CAST: variants seen among roughly 807,000 people sequenced by gnomAD.
CAST encodes the protein MIR583 host.
A neutral mutation model predicts 119.6 loss-of-function variants in CAST; 76 were observed. The observed-to-expected ratio is 0.64, with a 90% CI of 0.53 to 0.77. The LOEUF is 0.77. CAST is among the 30% of genes least tolerant of loss of function. CAST has a pLI of 0.00. For synonymous variants in CAST, 319 were observed against 331.6 expected (o/e 0.96, Z 0.41); for missense variants, 953 against 946.5 (o/e 1.01, Z -0.09).
chr5:96,114,842 C>A, the CAST span, among the ~76,000 whole-genome samples: 2 of 152,188 alleles, frequency 1.3e-5, no homozygotes, highest in African/African-American at 4.8e-5. Context: ...CCAAAACTAG[C>A]CACATGCTTT....
chr5:96,269,165 T>A, the CAST span, among the ~76,000 whole-genome samples: 4 of 152,002 alleles, frequency 2.6e-5, no homozygotes, highest in African/African-American at 9.7e-5. Flanking sequence ...TTTAGCAGTA[T>A]GAAAATGGAC....
intron 1 of CAST, among the ~76,000 whole-genome samples, chr5:96,667,531 G>C (rs1749496709): frequency 6.6e-6 from 1 of 152,168 alleles, no homozygotes; most frequent in African/African-American, 2.4e-5. Flanking sequence ...ACAGGCAATA[G>C]ATGCCACCTC....
chr5:96,115,200 T>C, the CAST span, among the ~76,000 whole-genome samples: 1 of 152,228 alleles, frequency 6.6e-6, no homozygotes, highest in Non-Finnish European at 1.5e-5. Flanking sequence ...CACTATGAAG[T>C]TGCTCACACA....
the CAST span, among the ~76,000 whole-genome samples, chr5:96,358,334 G>A: frequency 6.6e-6 from 1 of 151,998 alleles, no homozygotes. Context: ...ATCTCCTTTA[G>A]TTCTGCTCTG....
chr5:96,668,311 A>G (rs1422667530), intron 1 of CAST, among the ~76,000 whole-genome samples: 1 of 152,262 alleles, frequency 6.6e-6, no homozygotes, highest in Non-Finnish European at 1.5e-5. Flanking sequence ...AGATGTGAGA[A>G]TAATATATAA....
chr5:96,578,740 G>A (rs8180398), intron 1 of CAST, among the ~76,000 whole-genome samples: 1 of 151,884 alleles, frequency 6.6e-6, no homozygotes, highest in Admixed American at 6.6e-5. Context: ...GTTGAAGTTG[G>A]GGATGTTTTA....
chr5:96,081,953 G>A, the CAST span, among the ~76,000 whole-genome samples: 16 of 152,178 alleles, frequency 1.1e-4, no homozygotes, highest in Non-Finnish European at 1.8e-4. Flanking sequence ...TCGCTCTGTC[G>A]CCCAGGCTGG....
the CAST span, among the ~76,000 whole-genome samples, chr5:96,180,676 G>A: frequency 4.6e-5 from 7 of 152,170 alleles, no homozygotes; most frequent in Non-Finnish European, 2.9e-5. Context: ...AATTAGGGTG[G>A]TAAATACTTT....
chr5:96,561,736 GAGA>G (rs1019442970), intron 1 of CAST, among the ~76,000 whole-genome samples: 5 of 147,838 alleles, frequency 3.4e-5, no homozygotes, highest in East Asian at 2.0e-4. Flanking sequence ...ATAAAAACAT[GAGA>G]AGGATATATA....
intron 1 of CAST, among the ~76,000 whole-genome samples, chr5:96,645,971 G>A (rs542281928): frequency 6.6e-6 from 1 of 151,714 alleles, no homozygotes; most frequent in Admixed American, 6.6e-5. Context: ...CATGGCAAAG[G>A]TCACAAATAT....
At chr5:96,588,016 T>C (rs1418928277) in intron 1 of CAST, among the ~76,000 whole-genome samples, 1 of 152,088 alleles carries the variant, frequency 6.6e-6, no homozygotes, top group Non-Finnish European at 1.5e-5. Context: ...TCTAGCTGTA[T>C]AGAGTTTTGT....
At chr5:95,973,280 C>G in the CAST span, 2 of 172,492 alleles carry the variant, frequency 1.2e-5, no homozygotes, top group Non-Finnish European at 2.5e-5. Flanking sequence ...AGAGTGCTCT[C>G]AGTGTTTATG....
the CAST span, among the ~76,000 whole-genome samples, chr5:96,378,859 G>A: frequency 6.6e-6 from 1 of 151,832 alleles, no homozygotes; most frequent in Non-Finnish European, 1.5e-5. Flanking sequence ...TTTTATGTTG[G>A]TGTATATGTA....
the CAST span, among the ~76,000 whole-genome samples, chr5:96,231,886 G>A: frequency 2.6e-5 from 4 of 152,062 alleles, no homozygotes; most frequent in African/African-American, 9.6e-5. Flanking sequence ...GGAGATTACC[G>A]GTAGGTTTTG....
the CAST span, among the ~76,000 whole-genome samples, chr5:96,334,575 G>C: frequency 3.3e-5 from 5 of 152,188 alleles, no homozygotes; most frequent in African/African-American, 1.2e-4. Context: ...TTCCAGAAAA[G>C]TCACCCCCAC....
chr5:96,175,235 G>T, the CAST span, among the ~76,000 whole-genome samples: 1 of 152,194 alleles, frequency 6.6e-6, no homozygotes, highest in Non-Finnish European at 1.5e-5. Flanking sequence ...GAACTCATCA[G>T]TTGGCCGGTT....
the CAST span, among the ~76,000 whole-genome samples, chr5:96,115,625 T>A: frequency 6.6e-6 from 1 of 152,206 alleles, no homozygotes; most frequent in South Asian, 2.1e-4. Flanking sequence ...AATAAAGGCT[T>A]GTTGAATTGC....
rs1285219265 is a variant in CAST, at chr5:96,773,550, A to G, written c.*934A>G. ...TTTGCACTGTATAGCGTCTGGCTTTATGGAACTTAAGTTTACCAAATATAA... is the reference window on the plus strand; with the variant it reads ...TTTGCACTGTATAGCGTCTGGCTTTGTGGAACTTAAGTTTACCAAATATAA... On this transcript the variant is annotated 3_prime_UTR_variant, in exon 32 of 32. Coordinates refer to ENST00000675179, the MANE Select transcript of CAST (RefSeq NM_001750.7). The G allele has an allele frequency of 2.0e-5, 3 of 152,230 alleles. No homozygotes were observed. Among genetic ancestry groups the G allele is most frequent in the Non-Finnish European group, 2.9e-5 (2 of 67,994 alleles). 9.4% of individuals were successfully genotyped at this position (152,230 alleles called of 1,614,324 possible).
chr5:96,605,676 A>G (rs1326246192), intron 1 of CAST, among the ~76,000 whole-genome samples: 2 of 151,774 alleles, frequency 1.3e-5, no homozygotes, highest in Non-Finnish European at 3.0e-5. Flanking sequence ...GAGTGTGGTA[A>G]GTCCAAACAA....
Sources: allele counts gnomAD v4.1 joint callset (sites outside exome capture counted in the v4.1 genomes callset), GRCh38; gene constraint gnomAD v4.1.1; transcripts MANE v1.5; gene names NCBI Gene and HGNC (gene_info 2026-07-23, HGNC 2026-07-21).